The following MB21D2 variants were observed in gnomAD, a reference collection of about 807,000 sequenced individuals.
The protein encoded by MB21D2 is Mab-21 domain containing 2, also known as nucleotidyltransferase MB21D2.
A neutral mutation model predicts 33.3 loss-of-function variants in MB21D2; 9 were observed. The observed-to-expected ratio is 0.27, with a 90% CI of 0.16 to 0.47. MB21D2 has a LOEUF of 0.47. MB21D2 is among the 20% of genes least tolerant of loss of function. MB21D2 has a pLI of 0.99. For missense variants in MB21D2, 540 were observed against 624.6 expected (o/e 0.86, Z 1.44); for synonymous variants, 241 against 236.3 (o/e 1.02, Z -0.18).
intron 1 of MB21D2, among the ~76,000 whole-genome samples, chr3:192,890,681 T>C (rs895966250): frequency 1.3e-5 from 2 of 151,924 alleles, no homozygotes; most frequent in Non-Finnish European, 2.9e-5. Context: ...TTGAAAGCCA[T>C]GAAGCCAAGT....
intron 1 of MB21D2, among the ~76,000 whole-genome samples, chr3:192,916,936 T>C (rs1400740470): frequency 2.0e-5 from 3 of 152,152 alleles, no homozygotes; most frequent in African/African-American, 4.8e-5. Context: ...ACGGAAGAGC[T>C]GGGAATTAAG....
chr3:192,878,952 A>C (rs1247266897), intron 1 of MB21D2, among the ~76,000 whole-genome samples: 2 of 152,118 alleles, frequency 1.3e-5, no homozygotes, highest in Non-Finnish European at 2.9e-5. Flanking sequence ...CTATGGAGGG[A>C]CACTCTGTCT....
chr3:192,889,878 G>T (rs1400258155), intron 1 of MB21D2, among the ~76,000 whole-genome samples: 3 of 151,914 alleles, frequency 2.0e-5, no homozygotes, highest in Non-Finnish European at 2.9e-5. Flanking sequence ...CCCACATCCA[G>T]AGTCAACACT....
intron 1 of MB21D2, among the ~76,000 whole-genome samples, chr3:192,867,134 T>A (rs1438204440): frequency 6.6e-6 from 1 of 152,126 alleles, no homozygotes; most frequent in Admixed American, 6.5e-5. Context: ...GGCTCACTGA[T>A]GAATGGGAGG....
chr3:192,827,999 C>T (rs1712214090), intron 1 of MB21D2, among the ~76,000 whole-genome samples: 1 of 152,058 alleles, frequency 6.6e-6, no homozygotes, highest in Non-Finnish European at 1.5e-5. Context: ...GATCTGATGG[C>T]TTTATCTGGG....
At chr3:192,889,335 G>A (rs1475606858) in intron 1 of MB21D2, among the ~76,000 whole-genome samples, 2 of 152,036 alleles carry the variant, frequency 1.3e-5, no homozygotes, top group Non-Finnish European at 2.9e-5. Context: ...AGAACAGACT[G>A]GTGAGTAGCT....
intron 1 of MB21D2, among the ~76,000 whole-genome samples, chr3:192,898,018 A>C (rs1415306158): frequency 6.6e-6 from 1 of 152,110 alleles, no homozygotes; most frequent in East Asian, 1.9e-4. Flanking sequence ...CCTGACTGAG[A>C]GACCACATGG....
chr3:192,882,257 T>A (rs1016590592), intron 1 of MB21D2, among the ~76,000 whole-genome samples: 5 of 152,036 alleles, frequency 3.3e-5, no homozygotes, highest in African/African-American at 1.2e-4. Flanking sequence ...GTATTTTTCG[T>A]AGAGATGGGG....
intron 1 of MB21D2, among the ~76,000 whole-genome samples, chr3:192,827,938 T>C (rs1712212480): frequency 6.6e-6 from 1 of 152,094 alleles, no homozygotes; most frequent in African/African-American, 2.4e-5. Context: ...CATTGAATCA[T>C]GGGATTGGTT....
chr3:192,893,237 A>G (rs1713893287), intron 1 of MB21D2, among the ~76,000 whole-genome samples: 1 of 152,198 alleles, frequency 6.6e-6, no homozygotes, highest in Admixed American at 6.5e-5. Context: ...GTGTCAAGTG[A>G]CATGACGTCT....
In MB21D2 at chr3:192,799,462, C is replaced by T; in HGVS notation, c.400G>A (p.Val134Met). Residue 134 changes from valine (V) to methionine (M), a missense_variant, in exon 2 of 2, where the codon GTG becomes ATG. Val to Met is a conservative substitution (Grantham distance 21). Coordinates refer to ENST00000392452, the MANE Select transcript of MB21D2 (RefSeq NM_178496.4). This position sits in a 1 kb window ranked among gnomAD's most constrained non-coding sequence, Gnocchi z 4.1. ...ALKLHDRNQP[V>M]TLDMRHSALC... ...GCTGAGTGGCGCATGTCGAGTGTCA[C>T]AGGCTGATTACGGTCATGCAGCTTG... 6.2e-7 allele frequency: 1 copy of T among 1,614,228 alleles called. No homozygotes were observed. The highest frequency in any genetic ancestry group is 8.5e-7 in the Non-Finnish European group (1 of 1,180,044).
intron 1 of MB21D2, among the ~76,000 whole-genome samples, chr3:192,878,857 G>C (rs1488037134): frequency 6.6e-6 from 1 of 152,184 alleles, no homozygotes. Flanking sequence ...CCAGCTACTG[G>C]GGAGGCTGAG....
intron 1 of MB21D2, among the ~76,000 whole-genome samples, chr3:192,905,141 A>C (rs1055532431): frequency 2.6e-5 from 4 of 152,216 alleles, no homozygotes; most frequent in Admixed American, 2.6e-4. Flanking sequence ...AAGCAGCCTA[A>C]AACAGTGCTT....
intron 1 of MB21D2, among the ~76,000 whole-genome samples, chr3:192,816,212 ATTTTT>A (rs112404939): frequency 1.7e-5 from 2 of 120,474 alleles, no homozygotes; most frequent in Non-Finnish European, 3.5e-5. Flanking sequence ...CGAGAGGACA[ATTTTT>A]TTTTTTAAAA....
intron 1 of MB21D2, among the ~76,000 whole-genome samples, chr3:192,807,632 C>T (rs1711692149): frequency 6.6e-6 from 1 of 152,130 alleles, no homozygotes; most frequent in Non-Finnish European, 1.5e-5. Context: ...GGGAAGTCTA[C>T]ATTTTGGAAG....
chr3:192,876,113 T>C (rs1713422176), intron 1 of MB21D2, among the ~76,000 whole-genome samples: 1 of 152,212 alleles, frequency 6.6e-6, no homozygotes, highest in African/African-American at 2.4e-5. Flanking sequence ...ACCTCTAGTG[T>C]TAAGACATCC....
intron 1 of MB21D2, among the ~76,000 whole-genome samples, chr3:192,852,504 T>C (rs1235840297): frequency 6.6e-6 from 1 of 152,152 alleles, no homozygotes; most frequent in African/African-American, 2.4e-5. Flanking sequence ...TAGCAGGACA[T>C]TTTAAACGGG....
chr3:192,831,278 G>A (rs373074373), intron 1 of MB21D2, among the ~76,000 whole-genome samples: 7 of 152,268 alleles, frequency 4.6e-5, no homozygotes, highest in South Asian at 2.1e-4. Context: ...CCAGCCATGT[G>A]AGTCCGGTGG....
At chr3:192,867,044 T>C (rs1345929548) in intron 1 of MB21D2, among the ~76,000 whole-genome samples, 4 of 152,002 alleles carry the variant, frequency 2.6e-5, no homozygotes, top group African/African-American at 4.8e-5. Flanking sequence ...AAGCCGCAGG[T>C]TGGAGGGAGA....
Sources: gnomAD v4.1 joint callset for allele counts (sites outside exome capture counted in the v4.1 genomes callset) on GRCh38, gnomAD v4.1.1 for gene constraint, Gnocchi (gnomAD v3.1) non-coding constraint, MANE v1.5 for transcripts, NCBI Gene and HGNC (gene_info 2026-07-23, HGNC 2026-07-21) for gene names.